Variants in CTBP2 observed in about 807,000 individuals in gnomAD.
The protein encoded by CTBP2 is C-terminal binding protein 2.
CTBP2 carries 30 observed loss-of-function variants against 80.3 expected under a neutral mutation model. The observed-to-expected ratio is 0.37, with a 90% CI of 0.28 to 0.51. The LOEUF (loss-of-function observed/expected upper bound fraction) is 0.51. Among genes scored for constraint, CTBP2 ranks in the 20% least tolerant of loss-of-function variants. The pLI, the probability that CTBP2 is intolerant of heterozygous loss-of-function variation, is 0.93. For missense variants in CTBP2, 1,212 were observed against 1,375.3 expected (o/e 0.88, Z 1.88); for synonymous variants, 594 against 587.4 (o/e 1.01, Z -0.16).
chr10:125,028,098 C>T (rs1057147962), upstream of CTBP2: 3 of 258,006 alleles, frequency 1.2e-5, no homozygotes, highest in Non-Finnish European at 1.5e-5. Context: ...TCTCAGCATG[C>T]GGATTAGGAG....
chr10:125,036,717 T>C (rs2936545), intron 3 of CTBP2, among the ~76,000 whole-genome samples: 11 of 67,474 alleles, frequency 1.6e-4, no homozygotes, highest in African/African-American at 7.6e-4. Context: ...GTGTGTGTGT[T>C]TGTGTGTGTT....
At chr10:125,128,161 A>G (rs1251078045) in intron 1 of CTBP2, among the ~76,000 whole-genome samples, 5 of 152,244 alleles carry the variant, frequency 3.3e-5, no homozygotes, top group Non-Finnish European at 7.4e-5. Context: ...TAGAATACCT[A>G]CTTAGCCAAG....
rs2134039024 is a variant in CTBP2, at chr10:124,988,845, A to G, written c.*673T>C. ...ATAGCAGAGGATCTGAAACTGAGAA[A>G]ATATATTTGAGTACAAACAGCTTGT... is the stretch of plus-strand genomic sequence containing the variant. On this transcript the variant is annotated 3_prime_UTR_variant, in exon 9 of 9. Transcript: ENST00000309035. The G allele has an allele frequency of 6.6e-6, 1 of 152,618 alleles. No homozygotes were observed. Among genetic ancestry groups the G allele is most frequent in the Non-Finnish European group, 1.5e-5 (1 of 68,034 alleles). The allele number at this position is 152,618 out of a possible 1,614,324, so 9.5% of individuals were successfully genotyped here. A position where few individuals can be genotyped will look rare whatever the true frequency, so the allele number is the denominator to read the frequency against.
chr10:125,077,113 G>A (rs1846388143), intron 2 of CTBP2, among the ~76,000 whole-genome samples: 1 of 152,170 alleles, frequency 6.6e-6, no homozygotes, highest in Non-Finnish European at 1.5e-5. Context: ...AAGCTTTTGT[G>A]TGTCCAGAAG....
At chr10:125,009,599 C>T (rs1955639638) in intron 1 of CTBP2, among the ~76,000 whole-genome samples, 1 of 152,208 alleles carries the variant, frequency 6.6e-6, no homozygotes, top group East Asian at 1.9e-4. Context: ...GCTCAGCAGA[C>T]CTGATTTCTA....
At chr10:125,112,529 A>G (rs905880093) in intron 1 of CTBP2, among the ~76,000 whole-genome samples, 8 of 150,938 alleles carry the variant, frequency 5.3e-5, no homozygotes, top group African/African-American at 2.0e-4. Context: ...CCCAGGTCCA[A>G]GGGATTCTCC....
At chr10:125,124,944 G>A (rs1854975315) in intron 1 of CTBP2, among the ~76,000 whole-genome samples, 1 of 152,144 alleles carries the variant, frequency 6.6e-6, no homozygotes, top group Admixed American at 6.5e-5. Flanking sequence ...TTATCTCGAT[G>A]AAGTATCGCC....
rs754454221 is a variant in CTBP2 at position 125,026,799 on chromosome 10, G to A, written c.961C>T (p.Leu321=). The stretch of plus-strand genomic sequence containing the variant: ...ATATCCGCGTCCTCCAGGGTAGCCA[G>A]GACGGCCGGGGAGTCAAAGCCCTGC... Residue 321 remains leucine, a synonymous_variant, in exon 1 of 9, where the codon CTG becomes TTG. Coordinates refer to ENST00000309035, the MANE Select transcript of CTBP2 (RefSeq NM_022802.3). 6.8e-6 allele frequency: 11 copies of A among 1,613,290 alleles called. No homozygotes were observed. The highest frequency in any genetic ancestry group is 5.0e-5 in the Admixed American group (3 of 60,028).
At chr10:124,992,601 C>T (rs902955494) in intron 8 of CTBP2, 94 bp downstream of exon 10, 26 of 772,296 alleles carry the variant, frequency 3.4e-5, no homozygotes, top group South Asian at 1.8e-4. Context: ...TTAGCATCTG[C>T]GGGAGGTTAA....
chr10:125,072,162 A>T (rs1845583815), intron 2 of CTBP2, among the ~76,000 whole-genome samples: 1 of 152,136 alleles, frequency 6.6e-6, no homozygotes, highest in Admixed American at 6.5e-5. Flanking sequence ...AAATACAAAA[A>T]TTAGCCAGGC....
chr10:125,007,054 G>A (rs1366515958), intron 1 of CTBP2, among the ~76,000 whole-genome samples: 2 of 152,228 alleles, frequency 1.3e-5, no homozygotes, highest in African/African-American at 2.4e-5. Flanking sequence ...ACTTGCGGAC[G>A]AGGGTCACAG....
rs971214457 is a variant in CTBP2 at position 124,987,039 on chromosome 10, A to C, written c.*2479T>G. 1 of 152,596 alleles carries C rather than the reference A, an allele frequency of 6.6e-6. No homozygotes were observed. Among genetic ancestry groups the C allele is most frequent in the Non-Finnish European group, 1.5e-5 (1 of 68,040 alleles). The allele number at this position is 152,596 out of a possible 1,614,324, so 9.5% of individuals were successfully genotyped here. A position where few individuals can be genotyped will look rare whatever the true frequency, so the allele number is the denominator to read the frequency against. On this transcript the variant is annotated 3_prime_UTR_variant, in exon 9 of 9. Coordinates refer to ENST00000309035, the MANE Select transcript of CTBP2 (RefSeq NM_022802.3). ...TAGGTGCAGCATTCTTCCCTGTGGG[A>C]AAGAATTAAAGATGGTTCCATTTCC...
intron 1 of CTBP2, among the ~76,000 whole-genome samples, chr10:125,148,943 G>C (rs1859312599): frequency 6.6e-6 from 1 of 152,216 alleles, no homozygotes; most frequent in Non-Finnish European, 1.5e-5. Flanking sequence ...GCGCCGTGGA[G>C]GAGCGAGGAG....
intron 2 of CTBP2, among the ~76,000 whole-genome samples, chr10:125,041,001 G>A (rs1959577254): frequency 6.6e-6 from 1 of 152,262 alleles, no homozygotes; most frequent in African/African-American, 2.4e-5. Flanking sequence ...TCAGTCAGGA[G>A]ATGGAGGTTG....
intron 8 of CTBP2, 127 bp from the exon 11 acceptor site, chr10:124,989,825 G>A (rs898383956): frequency 3.0e-5 from 26 of 872,826 alleles, no homozygotes; most frequent in Admixed American, 6.8e-5. Flanking sequence ...CACCTTGACC[G>A]ACCTTCTGGG....
At chr10:125,039,028 G>T (rs1166668329) in exon 3 of CTBP2, 4 of 1,612,988 alleles carry the variant, frequency 2.5e-6, no homozygotes, top group Admixed American at 1.7e-5. Context: ...GCTGTCTCTT[G>T]ACTTTGTGCT....
At chr10:125,018,612 TA>T (rs1956751646) in intron 1 of CTBP2, among the ~76,000 whole-genome samples, 1 of 152,140 alleles carries the variant, frequency 6.6e-6, no homozygotes, top group Non-Finnish European at 1.5e-5. Flanking sequence ...CAATTACTAA[TA>T]TTTACTGAAC....
intron 6 of CTBP2, 131 bp downstream of exon 8, chr10:124,993,724 C>T: frequency 8.7e-7 from 1 of 1,146,486 alleles, no homozygotes; most frequent in Non-Finnish European, 1.2e-6. Flanking sequence ...AGAACAGAGA[C>T]TGTAAATGTC....
intron 2 of CTBP2, among the ~76,000 whole-genome samples, chr10:125,078,532 C>T (rs1466745557): frequency 2.0e-5 from 3 of 150,650 alleles, no homozygotes; most frequent in African/African-American, 4.9e-5. Flanking sequence ...TTTTTTTAAA[C>T]CCAACACACA....
Sources: allele counts gnomAD v4.1 joint callset (sites outside exome capture counted in the v4.1 genomes callset), GRCh38; gene constraint gnomAD v4.1.1; transcripts MANE v1.5; gene names NCBI Gene and HGNC (gene_info 2026-07-23, HGNC 2026-07-21).